Variants in ATXN1 observed in about 807,000 individuals in gnomAD.
The protein encoded by ATXN1 is ataxin 1.
ATXN1 carries 8 observed loss-of-function variants against 56.4 expected under a neutral mutation model. The ratio of observed to expected loss-of-function variants is 0.14; its 90% CI spans 0.08 to 0.26. The LOEUF is 0.26. Among genes scored for constraint, ATXN1 ranks in the 10% least tolerant of loss-of-function variants. The pLI is 1.00. For synonymous variants in ATXN1, 514 were observed against 494.6 expected (o/e 1.04, Z -0.52); for missense variants, 987 against 1,106.5 (o/e 0.89, Z 1.53).
At chr6:16,721,532 CAA>C (rs1350875680) in intron 2 of ATXN1, among the ~76,000 whole-genome samples, 1 of 152,060 alleles carries the variant, frequency 6.6e-6, no homozygotes, top group African/African-American at 2.4e-5. Flanking sequence ...GAGGCTGGAA[CAA>C]GAGGACTGCT....
intron 6 of ATXN1, among the ~76,000 whole-genome samples, chr6:16,339,914 C>T (rs982468021): frequency 6.6e-6 from 1 of 152,200 alleles, no homozygotes; most frequent in African/African-American, 2.4e-5. Flanking sequence ...TTCCAAGAAG[C>T]TGGGACTACA....
chr6:16,329,305 C>T (rs1401234392), intron 6 of ATXN1, among the ~76,000 whole-genome samples: 3 of 152,062 alleles, frequency 2.0e-5, no homozygotes, highest in East Asian at 1.9e-4. Context: ...TCCTTGCACT[C>T]GATTTCTGAA....
At chr6:16,383,474 A>G (rs1234184586) in intron 6 of ATXN1, among the ~76,000 whole-genome samples, 1 of 152,204 alleles carries the variant, frequency 6.6e-6, no homozygotes, top group Non-Finnish European at 1.5e-5. Flanking sequence ...TGCTCAATAT[A>G]TTTATCTATT....
At chr6:16,649,105 AATG>A (rs1369686286) in intron 3 of ATXN1, among the ~76,000 whole-genome samples, 2 of 152,086 alleles carry the variant, frequency 1.3e-5, no homozygotes, top group Non-Finnish European at 2.9e-5. Flanking sequence ...CACACGTACA[AATG>A]ATGATTTTCT....
At chr6:16,446,889 A>G (rs1759647424) in intron 6 of ATXN1, among the ~76,000 whole-genome samples, 1 of 152,226 alleles carries the variant, frequency 6.6e-6, no homozygotes. Context: ...AGCTACAGAA[A>G]TGTGCCTTTT....
Position 16,328,646 on chromosome 6 carries a change from G to C in ATXN1, c.-160-176C>G, listed in dbSNP as rs145284226. On this transcript the variant is annotated intron_variant, in intron 6 of 7. Transcript: ENST00000436367. The surrounding 1 kb of genome is among the most constrained non-coding windows in gnomAD (Gnocchi z 6.2). The stretch of plus-strand genomic sequence containing the variant: ...CAATCATACCCCAAGCACTGAAGCA[G>C]AGAAAACACTAGCCAACACTTTGGG... Among the ~76,000 whole-genome samples the C allele has an allele frequency of 6.6e-6, 1 of 152,272 alleles. No homozygotes were observed. Among genetic ancestry groups the C allele is most frequent in the Non-Finnish European group, 1.5e-5 (1 of 68,012 alleles).
At chr6:16,573,484 C>T (rs578114388) in intron 4 of ATXN1, among the ~76,000 whole-genome samples, 3 of 148,908 alleles carry the variant, frequency 2.0e-5, no homozygotes, top group East Asian at 1.9e-4. Context: ...ATTCCTGACT[C>T]GCCTGTCCCC....
intron 4 of ATXN1, among the ~76,000 whole-genome samples, chr6:16,548,612 T>C (rs1485094000): frequency 6.6e-6 from 1 of 152,102 alleles, no homozygotes; most frequent in Non-Finnish European, 1.5e-5. Context: ...TTTTAAAAAA[T>C]TTTAAACTTT....
intron 5 of ATXN1, among the ~76,000 whole-genome samples, chr6:16,492,049 C>A (rs1760676050): frequency 6.6e-6 from 1 of 152,128 alleles, no homozygotes; most frequent in African/African-American, 2.4e-5. Context: ...GATAATAAGG[C>A]AGCCCTGTTG....
intron 3 of ATXN1, among the ~76,000 whole-genome samples, chr6:16,594,087 A>G (rs1457558447): frequency 6.7e-6 from 1 of 149,476 alleles, no homozygotes; most frequent in Non-Finnish European, 1.5e-5. Flanking sequence ...ATATTAGTCT[A>G]CAGGGATAGA....
chr6:16,469,260 T>G (rs889801706), intron 6 of ATXN1, among the ~76,000 whole-genome samples: 6 of 152,188 alleles, frequency 3.9e-5, no homozygotes, highest in African/African-American at 1.4e-4. Context: ...TTCTATTCTA[T>G]CAGGAGAAGC....
At chr6:16,346,085 T>A (rs191320857) in intron 6 of ATXN1, among the ~76,000 whole-genome samples, 13 of 152,280 alleles carry the variant, frequency 8.5e-5, no homozygotes, top group East Asian at 5.8e-4. Flanking sequence ...TTATTTATTT[T>A]GAGACAGTAG....
Position 16,645,344 on chromosome 6 carries a change from G to A in ATXN1, c.-489+12432C>T, listed in dbSNP as rs142758665. ...GGCCAGCTGCCAGCAGCATCATTTA[G>A]AAGAATTCTGGTCCTGAGGACAGAT... On this transcript the variant is annotated intron_variant, in intron 3 of 7. Coordinates refer to ENST00000436367, the MANE Select transcript of ATXN1 (RefSeq NM_001128164.2). 2.0e-5 allele frequency among the ~76,000 whole-genome samples: 3 copies of A among 152,344 alleles called. No individual in the cohort carries two copies. In the East Asian group the frequency reaches 5.8e-4, roughly 29 times the overall value.
At chr6:16,477,951 T>C (rs1365052234) in intron 6 of ATXN1, among the ~76,000 whole-genome samples, 1 of 152,202 alleles carries the variant, frequency 6.6e-6, no homozygotes, top group East Asian at 1.9e-4. Context: ...GCAAGGTGAC[T>C]GCCAACTCCC....
At chr6:16,675,947 G>T (rs879331975) in intron 2 of ATXN1, among the ~76,000 whole-genome samples, 10 of 151,970 alleles carry the variant, frequency 6.6e-5, no homozygotes, top group Admixed American at 1.3e-4. Context: ...ACTGCCAAAG[G>T]AGAAGCGGAC....
intron 6 of ATXN1, among the ~76,000 whole-genome samples, chr6:16,426,568 T>A (rs1581754068): frequency 1.3e-5 from 2 of 151,676 alleles, no homozygotes; most frequent in East Asian, 1.9e-4. Flanking sequence ...CTGGCCTGTG[T>A]GTGGTGGTGG....
intron 3 of ATXN1, among the ~76,000 whole-genome samples, chr6:16,619,693 G>T (rs1404381987): frequency 6.6e-6 from 1 of 152,024 alleles, no homozygotes; most frequent in Non-Finnish European, 1.5e-5. Context: ...TCTGTGATCA[G>T]GGAAACAATA....
intron 2 of ATXN1, among the ~76,000 whole-genome samples, chr6:16,691,479 T>C (rs1165413267): frequency 6.6e-6 from 1 of 152,246 alleles, no homozygotes; most frequent in African/African-American, 2.4e-5. Flanking sequence ...GTTTTTTGTA[T>C]TTATAAAAAG....
At chr6:16,462,002 G>C (rs1450278124) in intron 6 of ATXN1, among the ~76,000 whole-genome samples, 1 of 152,166 alleles carries the variant, frequency 6.6e-6, no homozygotes, top group African/African-American at 2.4e-5. Flanking sequence ...CCTCCTACTT[G>C]ATCAGGAAAC....
Sources: allele counts gnomAD v4.1 joint callset (sites outside exome capture counted in the v4.1 genomes callset), GRCh38; gene constraint gnomAD v4.1.1; non-coding constraint Gnocchi (gnomAD v3.1); transcripts MANE v1.5; gene names NCBI Gene and HGNC (gene_info 2026-07-23, HGNC 2026-07-21).